PHACTR3: variants seen among roughly 807,000 people sequenced by gnomAD.
PHACTR3 encodes the protein phosphatase and actin regulator 3.
A neutral mutation model predicts 66.8 loss-of-function variants in PHACTR3; 16 were observed. The observed-to-expected ratio is 0.24, with a 90% confidence interval of 0.16 to 0.36. The LOEUF is 0.36. PHACTR3 is among the 10% of genes least tolerant of loss of function. The pLI is 1.00. For missense variants in PHACTR3, 647 were observed against 719.9 expected, an observed-to-expected ratio of 0.90 and a Z score of 1.16; for synonymous variants, 323 against 292.1, an observed-to-expected ratio of 1.11 and a Z score of -1.08.
chr20:59,751,714 C>A (rs574500691), intron 3 of PHACTR3, among the ~76,000 whole-genome samples: 23 of 152,258 alleles, frequency 1.5e-4, no homozygotes, highest in African/African-American at 4.8e-4. Flanking sequence ...TAGTCGCCAG[C>A]TTGGACCTAG....
chr20:59,580,271 C>T (rs2032821424), intron 1 of PHACTR3, among the ~76,000 whole-genome samples: 2 of 152,158 alleles, frequency 1.3e-5, no homozygotes, highest in Admixed American at 6.5e-5. Context: ...AGGCTGTGTG[C>T]CCACAACTCT....
intron 1 of PHACTR3, among the ~76,000 whole-genome samples, chr20:59,693,865 GTACAA>G (rs1416845063): frequency 1.3e-5 from 2 of 152,194 alleles, no homozygotes; most frequent in Non-Finnish European, 2.9e-5. Context: ...AGAGGGAAAT[GTACAA>G]AGCCCCGTTA....
intron 1 of PHACTR3, among the ~76,000 whole-genome samples, chr20:59,606,628 G>C (rs1032745122): frequency 6.6e-6 from 1 of 152,196 alleles, no homozygotes; most frequent in African/African-American, 2.4e-5. Context: ...CTTCTCATGA[G>C]AATCCTTCTA....
chr20:59,788,488 C>T (rs1274534265), intron 7 of PHACTR3, among the ~76,000 whole-genome samples: 1 of 152,082 alleles, frequency 6.6e-6, no homozygotes, highest in Non-Finnish European at 1.5e-5. Flanking sequence ...GGACACCATC[C>T]CTGCCTTTCT....
chr20:59,670,768 T>C (rs2036169914), intron 1 of PHACTR3, among the ~76,000 whole-genome samples: 1 of 152,178 alleles, frequency 6.6e-6, no homozygotes, highest in African/African-American at 2.4e-5. Flanking sequence ...CCATGTTCCA[T>C]CTTCTACTGC....
rs11471795 is a variant in PHACTR3 at position 59,635,169 on chromosome 20, CCTTTCTTT to C, written c.118+30056_118+30063del. ...TTTCTTTTTCTTTCTTTCTTTCTTT[CCTTTCTTT>C]CTTTCTTTCTTTCTTTCTCTTTCTT... On this transcript the variant is annotated intron_variant, in intron 1 of 12. Coordinates refer to ENST00000371015, the MANE Select transcript of PHACTR3 (RefSeq NM_080672.5). Among the ~76,000 whole-genome samples the C allele has an allele frequency of 6.0e-3, 331 of 55,360 alleles. 21 individuals are homozygous for C. The highest frequency in any genetic ancestry group is 0.012 in the African/African-American group (158 of 13,436). 36.3% of individuals were successfully genotyped at this position (55,360 alleles called of 152,430 possible). A position where few individuals can be genotyped will look rare whatever the true frequency, so the allele number is the denominator to read the frequency against.
In PHACTR3 at chr20:59,794,766, T is replaced by C. The variant is rs1377609529; in HGVS notation, c.1175-11275T>C. On this transcript the variant is annotated intron_variant, in intron 7 of 12. Transcript: ENST00000371015. ...CTATTTCTTCATAAGTAAATCTTGG[T>C]AGGCTGTACGTGTCCAGGAAATGAT... 2.0e-5 allele frequency among the ~76,000 whole-genome samples: 3 copies of C among 152,176 alleles called. No individual in the cohort carries two copies. In the South Asian group the frequency reaches 6.2e-4, roughly 32 times the overall value.
chr20:59,726,802 A>G (rs998843972), intron 1 of PHACTR3, among the ~76,000 whole-genome samples: 2 of 152,132 alleles, frequency 1.3e-5, no homozygotes, highest in African/African-American at 2.4e-5. Context: ...CGGACTTTGC[A>G]TATTTTCCAC....
At chr20:59,727,030 T>C (rs1385862664) in intron 1 of PHACTR3, among the ~76,000 whole-genome samples, 1 of 152,196 alleles carries the variant, frequency 6.6e-6, no homozygotes, top group Non-Finnish European at 1.5e-5. Flanking sequence ...CCATCACTGC[T>C]GTCTAATTCC....
intron 1 of PHACTR3, among the ~76,000 whole-genome samples, chr20:59,716,037 C>T (rs535209098): frequency 2.6e-5 from 4 of 152,202 alleles, no homozygotes; most frequent in Admixed American, 2.6e-4. Context: ...TGTCCATGCA[C>T]CTGGCTGTGA....
At chr20:59,767,136 TG>T in intron 4 of PHACTR3, 49 bp from the exon 5 acceptor site, 1 of 1,593,308 alleles carries the variant, frequency 6.3e-7, no homozygotes, top group Non-Finnish European at 8.6e-7. Context: ...TTACTTCCAC[TG>T]CTGTCAGAGG....
In PHACTR3 at chr20:59,820,346, G is replaced by A. The variant is rs925706602; in HGVS notation, c.1328+14152G>A. On this transcript the variant is annotated intron_variant, in intron 8 of 12. Coordinates refer to ENST00000371015, the MANE Select transcript of PHACTR3 (RefSeq NM_080672.5). The surrounding 1 kb of genome is among the most constrained non-coding windows in gnomAD (Gnocchi z 4.6). ...CTAAAGGGAGGGGCCTGGTAGTCCT[G>A]CAAAGGCCGGGGCAGGCAAGGCCAG... Among the ~76,000 whole-genome samples, 7 of 152,252 alleles carry A rather than the reference G, an allele frequency of 4.6e-5. No homozygotes were observed. The highest frequency in any genetic ancestry group is 1.2e-4 in the African/African-American group (5 of 41,468).
intron 1 of PHACTR3, among the ~76,000 whole-genome samples, chr20:59,683,893 TAGA>T (rs2036758967): frequency 6.6e-6 from 1 of 152,188 alleles, no homozygotes. Flanking sequence ...TTATAGTGGG[TAGA>T]AGAAGGAAGC....
chr20:59,591,562 G>A, intron 1 of PHACTR3, among the ~76,000 whole-genome samples: 1 of 152,104 alleles, frequency 6.6e-6, no homozygotes, highest in East Asian at 1.9e-4. Flanking sequence ...TCCTCATCAT[G>A]GGGGCCAGGG....
intron 1 of PHACTR3, chr20:59,628,524 C>A: frequency 1.6e-6 from 1 of 625,398 alleles, no homozygotes; most frequent in Non-Finnish European, 2.0e-6. Flanking sequence ...GTGCATGGGG[C>A]CACGTGCAGG....
chr20:59,622,919 C>T (rs1316160704), intron 1 of PHACTR3, among the ~76,000 whole-genome samples: 2 of 136,474 alleles, frequency 1.5e-5, no homozygotes, highest in Non-Finnish European at 3.0e-5. Flanking sequence ...TATGTAATCC[C>T]ATTGTGAAAT....
intron 1 of PHACTR3, among the ~76,000 whole-genome samples, chr20:59,584,041 T>C (rs1421118050): frequency 1.3e-5 from 2 of 152,206 alleles, no homozygotes; most frequent in Admixed American, 1.3e-4. Flanking sequence ...CCAGGCATTT[T>C]AGTGACAAAC....
chr20:59,707,691 C>A (rs1229954888), intron 1 of PHACTR3, among the ~76,000 whole-genome samples: 1 of 151,976 alleles, frequency 6.6e-6, no homozygotes, highest in Non-Finnish European at 1.5e-5. Context: ...TCTTGAACTC[C>A]TGAGCAAAAA....
chr20:59,807,958 C>A (rs1255833187), intron 8 of PHACTR3, among the ~76,000 whole-genome samples: 1 of 152,148 alleles, frequency 6.6e-6, no homozygotes, highest in Non-Finnish European at 1.5e-5. Flanking sequence ...CTGTGTTGCA[C>A]CCCCATAAGT....
Sources: allele counts gnomAD v4.1 joint callset (sites outside exome capture counted in the v4.1 genomes callset), GRCh38; gene constraint gnomAD v4.1.1; non-coding constraint Gnocchi (gnomAD v3.1); transcripts MANE v1.5; gene names NCBI Gene and HGNC (gene_info 2026-07-23, HGNC 2026-07-21).